Variants in ARHGAP44 observed in about 807,000 individuals in gnomAD.
ARHGAP44 encodes rho GTPase-activating protein 44.
A neutral mutation model predicts 106.8 loss-of-function variants in ARHGAP44; 43 were observed. That is an observed-to-expected ratio of 0.40 (90% confidence interval 0.32 to 0.52). The LOEUF (loss-of-function observed/expected upper bound fraction) is 0.52, where lower values mean the gene tolerates loss of function less well. Ranked by LOEUF, ARHGAP44 falls within the 20% of genes least tolerant of loss-of-function variation. The pLI is 0.48. For synonymous variants in ARHGAP44, 439 were observed against 410.3 expected (o/e 1.07, Z -0.85); for missense variants, 866 against 1,050.5 (o/e 0.82, Z 2.43).
chr17:12,852,823 G>A (rs2035796575), intron 1 of ARHGAP44, among the ~76,000 whole-genome samples: 1 of 152,072 alleles, frequency 6.6e-6, no homozygotes, highest in Non-Finnish European at 1.5e-5. Context: ...TTACAGGCGT[G>A]AGCCACTGTG....
chr17:12,915,820 C>A, intron 4 of ARHGAP44, 80 bp from the exon 5 acceptor site: 1 of 1,233,766 alleles, frequency 8.1e-7, no homozygotes, highest in Non-Finnish European at 1.2e-6. Flanking sequence ...TACAAGTGAG[C>A]CAGGAGGTGA....
At position 12,991,110 on chromosome 17, in the gene ARHGAP44, GC is replaced by G. The variant is rs2040125702; in HGVS notation, c.*941del. ...ACGGAGACGCTGGCCCACGGGCTCG[GC>G]CTGCGGTGTGGCCTGCTTTGCTCAC... On this transcript the variant is annotated 3_prime_UTR_variant, in exon 21 of 21. Transcript: ENST00000379672. 1 of 152,608 alleles carries G rather than the reference GC, an allele frequency of 6.6e-6. No homozygotes were observed. The allele number at this position is 152,608 out of a possible 1,614,324, so 9.5% of individuals were successfully genotyped here.
At chr17:12,945,622 A>G (rs972041713) in intron 10 of ARHGAP44, among the ~76,000 whole-genome samples, 2 of 152,158 alleles carry the variant, frequency 1.3e-5, no homozygotes, top group East Asian at 3.9e-4. Context: ...AGTAAGGGCT[A>G]TGGATGAGAA....
Position 12,812,035 on chromosome 17 carries a change from G to A in ARHGAP44, c.53+22144G>A, listed in dbSNP as rs75988577. Among the ~76,000 whole-genome samples the A allele has an allele frequency of 4.6e-3, 707 of 152,268 alleles. 18 individuals carry two copies. In the East Asian group the frequency reaches 0.063, roughly 14 times the overall value. On this transcript the variant is annotated intron_variant, in intron 1 of 20. Coordinates refer to ENST00000379672, the MANE Select transcript of ARHGAP44 (RefSeq NM_014859.6). ...TGGGGGACACAATTGAACCCACAGG[G>A]CCCACGAAGCACACATTTCTCATTC...
At chr17:12,918,456 G>A (rs1424889875) in intron 5 of ARHGAP44, among the ~76,000 whole-genome samples, 1 of 152,030 alleles carries the variant, frequency 6.6e-6, no homozygotes, top group Non-Finnish European at 1.5e-5. Flanking sequence ...CTTTTGCTGG[G>A]CCCGGAACCA....
At chr17:12,836,271 G>A (rs1317880884) in intron 1 of ARHGAP44, among the ~76,000 whole-genome samples, 1 of 152,148 alleles carries the variant, frequency 6.6e-6, no homozygotes, top group Non-Finnish European at 1.5e-5. Flanking sequence ...TTTAGCAAGT[G>A]TGCTCAATTC....
At chr17:12,956,446 G>A (rs1380953023) in intron 14 of ARHGAP44, among the ~76,000 whole-genome samples, 1 of 152,188 alleles carries the variant, frequency 6.6e-6, no homozygotes, top group African/African-American at 2.4e-5. Flanking sequence ...TTGTTCATGT[G>A]CCTCGGGTTT....
chr17:12,950,861 C>A (rs2038976317), intron 12 of ARHGAP44, among the ~76,000 whole-genome samples: 1 of 152,152 alleles, frequency 6.6e-6, no homozygotes, highest in South Asian at 2.1e-4. Context: ...TTCTCAACAA[C>A]ACCATGAGGA....
intron 3 of ARHGAP44, among the ~76,000 whole-genome samples, chr17:12,897,303 C>G (rs760983329): frequency 9.2e-5 from 14 of 152,002 alleles, no homozygotes; most frequent in Non-Finnish European, 1.6e-4. Flanking sequence ...TCTGCATCCC[C>G]TTGGTCCCCC....
intron 10 of ARHGAP44, among the ~76,000 whole-genome samples, chr17:12,945,553 C>A (rs1247171093): frequency 6.6e-6 from 1 of 152,018 alleles, no homozygotes; most frequent in African/African-American, 2.4e-5. Flanking sequence ...CTCAGTTAAG[C>A]CTAATTCATC....
At chr17:12,849,594 T>TTTTTTTTTTTTTTTTTTTTTTTTTTTTTG (rs11373135) in intron 1 of ARHGAP44, among the ~76,000 whole-genome samples, 1 of 112,428 alleles carries the variant, frequency 8.9e-6, no homozygotes, top group African/African-American at 4.4e-5. Flanking sequence ...TTTTTTTTTT[T>TTTTTTTTTTTTTTTTTTTTTTTTTTTTTG]GCTTGGCTTC....
At chr17:12,805,627 G>T (rs2034252478) in intron 1 of ARHGAP44, among the ~76,000 whole-genome samples, 1 of 152,138 alleles carries the variant, frequency 6.6e-6, no homozygotes, top group Non-Finnish European at 1.5e-5. Context: ...ATGCTAAGAG[G>T]AGTATGTAAG....
intron 1 of ARHGAP44, among the ~76,000 whole-genome samples, chr17:12,794,588 C>T (rs1027173321): frequency 3.9e-5 from 6 of 151,968 alleles, no homozygotes; most frequent in African/African-American, 7.3e-5. Context: ...TGTGGGTGTG[C>T]GGGAAGGAGA....
intron 17 of ARHGAP44, chr17:12,973,723 C>T: frequency 2.0e-6 from 1 of 490,002 alleles, no homozygotes; most frequent in Non-Finnish European, 3.6e-6. Context: ...AGTTAGGCCA[C>T]ACACCGCTGT....
chr17:12,957,691 A>G (rs2039164321), intron 15 of ARHGAP44, among the ~76,000 whole-genome samples: 1 of 152,156 alleles, frequency 6.6e-6, no homozygotes, highest in Non-Finnish European at 1.5e-5. Flanking sequence ...TCACTCCATA[A>G]GTAGATGACT....
chr17:12,886,976 T>G (rs1198118848), intron 1 of ARHGAP44, among the ~76,000 whole-genome samples: 4 of 82,224 alleles, frequency 4.9e-5, no homozygotes, highest in South Asian at 5.1e-4. Flanking sequence ...TTTTTTTTTG[T>G]TTTTTTTTTT....
At chr17:12,875,806 T>C (rs1018230722) in intron 1 of ARHGAP44, among the ~76,000 whole-genome samples, 1 of 152,080 alleles carries the variant, frequency 6.6e-6, no homozygotes, top group African/African-American at 2.4e-5. Flanking sequence ...TAGCCAGGCA[T>C]GGTGGCAGGT....
At chr17:12,802,969 A>ATATT (rs1567621473) in intron 1 of ARHGAP44, among the ~76,000 whole-genome samples, 2 of 40,848 alleles carry the variant, frequency 4.9e-5, no homozygotes, top group Non-Finnish European at 9.0e-5. Context: ...ATATATATAT[A>ATATT]TTTTTTTTTT....
intron 1 of ARHGAP44, among the ~76,000 whole-genome samples, chr17:12,861,679 C>CGCCCAG (rs2036086880): frequency 7.9e-6 from 1 of 126,462 alleles, no homozygotes; most frequent in South Asian, 2.8e-4. Flanking sequence ...CTTGCTCAGT[C>CGCCCAG]GCTGGAGTGC....
Sources: gnomAD v4.1 joint callset for allele counts (sites outside exome capture counted in the v4.1 genomes callset) on GRCh38, gnomAD v4.1.1 for gene constraint, MANE v1.5 for transcripts, NCBI Gene and HGNC (gene_info 2026-07-23, HGNC 2026-07-21) for gene names.